The following RPS7 variants were observed in gnomAD, a reference collection of about 807,000 sequenced individuals.
RPS7 encodes ribosomal protein S7, also known as small ribosomal subunit protein eS7.
A neutral mutation model predicts 22.1 loss-of-function variants in RPS7; 1 was observed. That is an observed-to-expected ratio of 0.05 (90% confidence interval 0.02 to 0.21). The LOEUF (loss-of-function observed/expected upper bound fraction) is 0.21, where lower values mean the gene tolerates loss of function less well. Ranked by LOEUF, RPS7 falls within the 10% of genes least tolerant of loss-of-function variation. The pLI is 1.00. For synonymous variants in RPS7, 80 were observed against 92.0 expected, an observed-to-expected ratio of 0.87 and a Z score of 0.74; for missense variants, 137 against 246.4, an observed-to-expected ratio of 0.56 and a Z score of 2.97.
chr2:3,575,820 C>T lies in RPS7; in HGVS notation c.79C>T (p.Leu27Phe), dbSNP rs758369264. The T allele has an allele frequency of 3.1e-6, 5 of 1,612,112 alleles. No homozygotes were observed. The highest frequency in any genetic ancestry group is 2.0e-4 in the Middle Eastern group (1 of 4,978). ...CCTGCTGTTCGTTGCTTCTTAGGCT[C>T]TTCTGGAGCTGGAGATGAACTCGGA... ...DEFESGISQA[L>F]LELEMNSDLK... Residue 27 changes from leucine to phenylalanine, a missense_variant, in exon 3 of 7, where the codon CTT (leucine) becomes TTT (phenylalanine). Transcript: ENST00000645674.
In RPS7 at chr2:3,578,162, A is replaced by G. The variant is rs182199109; in HGVS notation, c.356+388A>G. The G allele has an allele frequency of 2.8e-5, 5 of 180,436 alleles. No individual in the cohort carries two copies. The East Asian group carries it at 6.0e-4, about 21-fold the overall frequency. 11.2% of individuals were successfully genotyped at this position (180,436 alleles called of 1,614,324 possible). A position where few individuals can be genotyped will look rare whatever the true frequency, so the allele number is the denominator to read the frequency against. ...ATTGGAGGTAAAAAAATGTAGGTGG[A>G]TTTTGGTGATAACATCACAGGTTAA... On this transcript the variant is annotated intron_variant, in intron 5 of 6. Transcript: ENST00000645674.
At chr2:3,579,646 A>G (rs1399646386) in intron 5 of RPS7, 1 of 187,124 alleles carries the variant, frequency 5.3e-6, no homozygotes, top group Admixed American at 5.4e-5. Flanking sequence ...TTCCACTGGC[A>G]GTTCTGTGAT....
Position 3,575,596 on chromosome 2 carries a change from C to T in RPS7, c.-14C>T, listed in dbSNP as rs2147819076. The T allele has an allele frequency of 1.9e-6, 3 of 1,609,326 alleles. No homozygotes were observed. Among genetic ancestry groups the T allele is most frequent in the African/African-American group, 1.3e-5 (1 of 74,932 alleles). ...CGCTGACCGCTGTGCCTTCAGTTCT[C>T]CCAGGAGAAAGCCATGTTCAGTTCG... On this transcript the variant is annotated 5_prime_UTR_variant, in exon 2 of 7. Coordinates refer to ENST00000645674, the MANE Select transcript of RPS7 (RefSeq NM_001011.4).
rs961405831 is a variant in RPS7, at chr2:3,575,313, C to A, written c.-56C>A. The A allele has an allele frequency of 2.5e-5, 12 of 473,094 alleles. No individual in the cohort carries two copies. Among genetic ancestry groups the A allele is most frequent in the South Asian group, 1.4e-4 (6 of 41,628 alleles). The allele number at this position is 473,094 out of a possible 1,614,324, so 29.3% of individuals were successfully genotyped here. A position where few individuals can be genotyped will look rare whatever the true frequency, so the allele number is the denominator to read the frequency against. On this transcript the variant is annotated 5_prime_UTR_variant, in exon 1 of 7. Coordinates refer to ENST00000645674, the MANE Select transcript of RPS7 (RefSeq NM_001011.4). ...GACGCCGGATTTTGACGTGCTCTCGCGAGATTTGGGTCTCTTCCTAAGCCG... is the reference window on the plus strand; with the variant it reads ...GACGCCGGATTTTGACGTGCTCTCGAGAGATTTGGGTCTCTTCCTAAGCCG...
intron 6 of RPS7, 60 bp downstream of exon 6, chr2:3,580,320 T>C: frequency 6.7e-7 from 1 of 1,484,984 alleles, no homozygotes; most frequent in Non-Finnish European, 9.4e-7. Flanking sequence ...GATTTTAGTG[T>C]AACCAGTCTC....
intron 4 of RPS7, 90 bp downstream of exon 4, chr2:3,576,720 A>G (rs1661287724): frequency 7.0e-7 from 1 of 1,420,358 alleles, no homozygotes; most frequent in Non-Finnish European, 1.0e-6. Context: ...GGAGTCATGA[A>G]AACAATCCTT....
chr2:3,577,619 C>A, intron 4 of RPS7, 91 bp from the exon 5 acceptor site: 1 of 939,174 alleles, frequency 1.1e-6, no homozygotes, highest in Non-Finnish European at 1.7e-6. Flanking sequence ...CCCTGCCATT[C>A]TTCTTGCTTT....
Position 3,576,571 on chromosome 2 carries a change from C to A in RPS7, c.232C>A (p.Arg78=). The change falls in exon 4 of 7, where the codon CGG becomes AGG. Residue 78 remains arginine (R), a synonymous_variant. Coordinates refer to ENST00000645674, the MANE Select transcript of RPS7 (RefSeq NM_001011.4). The part of the protein sequence containing the change: ...QLKSFQKIQV[R]LVRELEKKFS... ...GAAATCTTTCCAGAAAATCCAAGTC[C>A]GGCTAGTACGCGAATTGGAGAAAAA... is the stretch of plus-strand genomic sequence containing the variant. The A allele has an allele frequency of 6.2e-7, 1 of 1,613,690 alleles. No homozygotes were observed. Among genetic ancestry groups the A allele is most frequent in the Non-Finnish European group, 8.5e-7 (1 of 1,179,656 alleles).
At chr2:3,577,021 T>A (rs1661294870) in intron 4 of RPS7, 1 of 294,994 alleles carries the variant, frequency 3.4e-6, no homozygotes, top group Non-Finnish European at 6.6e-6. Flanking sequence ...GTGGGTTGCT[T>A]ACATAGATGA....
chr2:3,575,559 C>T, intron 1 of RPS7, 33 bp from the exon 2 acceptor site: 1 of 1,523,630 alleles, frequency 6.6e-7, no homozygotes, highest in African/African-American at 1.4e-5. Flanking sequence ...GCCTGCAGCC[C>T]GGGCCGCGTA....
At chr2:3,576,082 T>C (rs1433751473) in intron 3 of RPS7, 194 bp downstream of exon 3, 1 of 641,324 alleles carries the variant, frequency 1.6e-6, no homozygotes, top group East Asian at 2.7e-5. Context: ...ACCCTGCGGC[T>C]TAAGCTGTCC....
At chr2:3,580,526 T>A in intron 6 of RPS7, 1 of 628,742 alleles carries the variant, frequency 1.6e-6, no homozygotes, top group South Asian at 1.9e-5. Flanking sequence ...TCTTGGTGAG[T>A]TAGGGGTGGG....
intron 4 of RPS7, 21 bp from the exon 5 acceptor site, chr2:3,577,689 A>C: frequency 6.3e-7 from 1 of 1,580,462 alleles, no homozygotes; most frequent in Non-Finnish European, 8.7e-7. Context: ...ATTTTGTTAC[A>C]TGATAATTTT....
At position 3,580,362 on chromosome 2, in the gene RPS7, C is replaced by T. The variant is rs935098291; in HGVS notation, c.507+102C>T. On this transcript the variant is annotated intron_variant, in intron 6 of 6. Coordinates refer to ENST00000645674, the MANE Select transcript of RPS7 (RefSeq NM_001011.4). ...CCACCATAGCAATGACTGTAGTAAACTCAGGACTAGTTCTTTTACCCGCAC... is the reference window on the plus strand; with the variant it reads ...CCACCATAGCAATGACTGTAGTAAATTCAGGACTAGTTCTTTTACCCGCAC... 8.7e-6 allele frequency: 9 copies of T among 1,031,058 alleles called. No individual in the cohort carries two copies. In the Middle Eastern group the frequency reaches 6.1e-4, roughly 69 times the overall value. The allele number at this position is 1,031,058 out of a possible 1,614,324, so 63.9% of individuals were successfully genotyped here.
chr2:3,577,799 A>G, intron 5 of RPS7, 25 bp downstream of exon 5: 1 of 1,428,450 alleles, frequency 7.0e-7, no homozygotes. Flanking sequence ...AGTTTCAGAA[A>G]TGTGTGTACC....
At position 3,576,343 on chromosome 2, in the gene RPS7, G is replaced by A. The variant is rs917212902; in HGVS notation, c.148-144G>A. The A allele has an allele frequency of 1.5e-5, 12 of 781,770 alleles. No homozygotes were observed. The African/African-American group carries it at 1.7e-4, about 11-fold the overall frequency. The allele number at this position is 781,770 out of a possible 1,614,324, so 48.4% of individuals were successfully genotyped here. ...GAGAGAGATGAGAACATTTCCGAAG[G>A]ATGCATTTATGATTAACTCAAAACT... On this transcript the variant is annotated intron_variant, in intron 3 of 6. Coordinates refer to ENST00000645674, the MANE Select transcript of RPS7 (RefSeq NM_001011.4).
At chr2:3,580,055 G>A (rs1437780703) in intron 5 of RPS7, 55 bp from the exon 6 acceptor site, 42 of 1,565,296 alleles carry the variant, frequency 2.7e-5, no homozygotes, top group Non-Finnish European at 3.3e-5. Flanking sequence ...GCCCTCTGGA[G>A]TTGCCCAGAG....
chr2:3,575,473 C>A, intron 1 of RPS7, 119 bp from the exon 2 acceptor site: 1 of 703,060 alleles, frequency 1.4e-6, no homozygotes, highest in Non-Finnish European at 2.5e-6. Flanking sequence ...GATTACCCGC[C>A]CTGTGCTTTC....
intron 1 of RPS7, 29 bp from the exon 2 acceptor site, chr2:3,575,563 C>T (rs372935949): frequency 5.5e-5 from 85 of 1,540,464 alleles, no homozygotes; most frequent in Non-Finnish European, 6.8e-5. Context: ...GCAGCCCGGG[C>T]CGCGTAACGC....
Sources: allele counts gnomAD v4.1 joint callset, GRCh38; gene constraint gnomAD v4.1.1; transcripts MANE v1.5; gene names NCBI Gene and HGNC (gene_info 2026-07-23, HGNC 2026-07-21).